The following MOCS1 variants were observed in gnomAD, a reference collection of about 807,000 sequenced individuals.
The protein encoded by MOCS1 is molybdenum cofactor biosynthesis protein 1.
MOCS1 carries 39 observed loss-of-function variants against 57.6 expected under a neutral mutation model. The observed-to-expected ratio is 0.68, with a 90% CI of 0.52 to 0.88. MOCS1 has a LOEUF of 0.88. Ranked by LOEUF, MOCS1 falls within the 40% of genes least tolerant of loss-of-function variation. The pLI, the probability that MOCS1 is intolerant of heterozygous loss-of-function variation, is 0.00. For synonymous variants in MOCS1, 334 were observed against 335.7 expected (o/e 1.00, Z 0.05); for missense variants, 795 against 831.1 (o/e 0.96, Z 0.53).
intron 1 of MOCS1, among the ~76,000 whole-genome samples, chr6:39,930,550 G>A (rs1768593515): frequency 6.6e-6 from 1 of 152,170 alleles, no homozygotes; most frequent in Non-Finnish European, 1.5e-5. Flanking sequence ...TCATTTCCCG[G>A]CTGGTCTCTA....
At position 39,934,410 on chromosome 6, in the gene MOCS1, G is replaced by A. The variant is rs1299943727; in HGVS notation, c.8C>T (p.Ala3Val). The A allele has an allele frequency of 6.4e-7, 1 of 1,566,880 alleles. No individual in the cohort carries two copies. Among genetic ancestry groups the A allele is most frequent in the Admixed American group, 1.8e-5 (1 of 54,764 alleles). ...CCGCAGCATCCGGGACAGTGGCCGCGCCGCCATGAAGCCTGATACGAGCGG... is the reference window on the plus strand; with the variant it reads ...CCGCAGCATCCGGGACAGTGGCCGCACCGCCATGAAGCCTGATACGAGCGG... MA[A>V]RPLSRMLRRL... is the part of the protein sequence containing the mutation. The change falls in exon 1 of 11, where the codon GCG becomes GTG. Residue 3 changes from alanine to valine, a missense_variant. Ala to Val is a moderately conservative substitution (Grantham distance 64). This residue lies in a region of MOCS1 where 416 missense variants were observed against 392.4 expected (regional missense o/e 1.06). Coordinates refer to ENST00000340692, the MANE Select transcript of MOCS1 (RefSeq NM_001358530.2).
Position 39,904,430 on chromosome 6 carries a change from G to A in MOCS1, c.*1927C>T, listed in dbSNP as rs913539192. On this transcript the variant is annotated 3_prime_UTR_variant, in exon 11 of 11. Coordinates refer to ENST00000340692, the MANE Select transcript of MOCS1 (RefSeq NM_001358530.2). ...GGGTGGCTGAGCTGGTCCTTAATAG[G>A]TTGTTTCTTGGTCTTGCTTTCTTCA... 26 of 454,848 alleles carry A rather than the reference G, an allele frequency of 5.7e-5. No individual in the cohort carries two copies. The highest frequency in any genetic ancestry group is 2.6e-4 in the Admixed American group (11 of 42,558). The allele number at this position is 454,848 out of a possible 1,614,324, so 28.2% of individuals were successfully genotyped here.
chr6:39,917,138 C>A (rs964015811), intron 3 of MOCS1, among the ~76,000 whole-genome samples: 23 of 152,144 alleles, frequency 1.5e-4, no homozygotes, highest in Non-Finnish European at 2.5e-4. Flanking sequence ...TAAAGAAATA[C>A]CTGAGACTGG....
At chr6:39,909,010 C>A in intron 10 of MOCS1, 45 bp downstream of exon 10, 1 of 1,583,182 alleles carries the variant, frequency 6.3e-7, no homozygotes, top group Non-Finnish European at 8.7e-7. Flanking sequence ...CCACGAGATC[C>A]CCAAATGACA....
intron 1 of MOCS1, among the ~76,000 whole-genome samples, chr6:39,928,313 C>T (rs544702722): frequency 3.4e-4 from 52 of 152,184 alleles, no homozygotes; most frequent in Middle Eastern, 3.4e-3. Context: ...TACAGGCACC[C>T]GCCACTGCAC....
chr6:39,932,682 A>G (rs533033912), intron 1 of MOCS1, among the ~76,000 whole-genome samples: 1 of 152,244 alleles, frequency 6.6e-6, no homozygotes, highest in Admixed American at 6.5e-5. Flanking sequence ...ATAGCTATCC[A>G]ACAAGTCCAG....
chr6:39,908,825 G>A (rs1767115627), intron 10 of MOCS1, among the ~76,000 whole-genome samples: 1 of 152,156 alleles, frequency 6.6e-6, no homozygotes, highest in Admixed American at 6.5e-5. Context: ...GATGTCTGGT[G>A]AGACAGAAGG....
rs780602047 is a variant in MOCS1 at position 39,905,448 on chromosome 6, T to TTGA, written c.*906_*908dup. ...TCTTGGGATAGGATTGATTGATTGA[T>TTGA]TGATAGGTGCAGCCTTCCCTGTGAA... On this transcript the variant is annotated 3_prime_UTR_variant, in exon 11 of 11. Transcript: ENST00000340692. The TTGA allele has an allele frequency of 6.4e-6, 3 of 470,942 alleles. No homozygotes were observed. Among genetic ancestry groups the TTGA allele is most frequent in the South Asian group, 1.5e-5 (1 of 64,576 alleles). 29.2% of individuals were successfully genotyped at this position (470,942 alleles called of 1,614,324 possible).
intron 3 of MOCS1, among the ~76,000 whole-genome samples, chr6:39,924,573 G>A (rs931057341): frequency 1.3e-5 from 2 of 152,326 alleles, no homozygotes; most frequent in South Asian, 4.1e-4. Flanking sequence ...AGTCCAGATA[G>A]TAAATATTTT....
intron 3 of MOCS1, among the ~76,000 whole-genome samples, chr6:39,924,523 T>C (rs1383947229): frequency 6.6e-6 from 1 of 152,164 alleles, no homozygotes; most frequent in Non-Finnish European, 1.5e-5. Context: ...CAAAGTAGGG[T>C]AAGTGAGTAG....
At chr6:39,926,211 C>A (rs1768288754) in intron 2 of MOCS1, among the ~76,000 whole-genome samples, 1 of 152,180 alleles carries the variant, frequency 6.6e-6, no homozygotes, top group South Asian at 2.1e-4. Flanking sequence ...TGTCACCCAT[C>A]CTCCTGCATT....
In MOCS1 at chr6:39,916,125, T is replaced by C. The variant is rs759953443; in HGVS notation, c.526A>G (p.Asn176Asp). 3.1e-6 allele frequency: 5 copies of C among 1,613,910 alleles called. No individual in the cohort carries two copies. Among genetic ancestry groups the C allele is most frequent in the Non-Finnish European group, 3.4e-6 (4 of 1,179,958 alleles). The change falls in exon 4 of 11, where the codon AAC becomes GAC. Residue 176 changes from asparagine (N) to aspartate (D), a missense_variant. Asn to Asp is a conservative substitution (Grantham distance 23, BLOSUM62 1). Around this residue, in one of 3 missense-constraint regions of MOCS1, gnomAD observed 416 missense variants for 392.4 expected, o/e 1.06. Coordinates refer to ENST00000340692, the MANE Select transcript of MOCS1 (RefSeq NM_001358530.2). ...QLQKAGLSAINISLDTLVPAK... is the reference protein window; with the variant it reads ...QLQKAGLSAIDISLDTLVPAK... ...GGCACCAGGGTGTCCAGGCTGATGT[T>C]GATGGCACTGAGACCAGCCTTCTGA...
chr6:39,906,479 CAG>C lies in MOCS1; in HGVS notation c.1787_1788del (p.Ser596CysfsTer10). The C allele has an allele frequency of 6.2e-7, 1 of 1,614,152 alleles. No homozygotes were observed. The highest frequency in any genetic ancestry group is 8.5e-7 in the Non-Finnish European group (1 of 1,180,018). ...PTGVEMEALTSAAVAALTLYD... is the reference protein window; with the variant it reads ...PTGVEMEALTXAAVAALTLYD... ...TACAGGGTGAGGGCGGCCACTGCAG[CAG>C]AGGTCAGGGCCTCCATCTCCACCCC... On this transcript the variant is annotated frameshift_variant, in exon 11 of 11. Transcript: ENST00000340692. LOFTEE classifies it high-confidence loss of function.
intron 8 of MOCS1, 25 bp from the exon 9 acceptor site, chr6:39,909,980 C>A (rs763368603): frequency 1.2e-6 from 2 of 1,611,208 alleles, no homozygotes; most frequent in Non-Finnish European, 1.7e-6. Context: ...GGACAATATG[C>A]CTTCCTTACC....
intron 7 of MOCS1, 50 bp from the exon 8 acceptor site, chr6:39,912,424 T>A: frequency 6.2e-6 from 8 of 1,296,284 alleles, no homozygotes; most frequent in Non-Finnish European, 7.9e-6. Flanking sequence ...GATGGGCTAC[T>A]GAGCCCAGTT....
At chr6:39,917,699 G>C (rs1289356637) in intron 3 of MOCS1, among the ~76,000 whole-genome samples, 3 of 152,136 alleles carry the variant, frequency 2.0e-5, no homozygotes, top group Non-Finnish European at 2.9e-5. Flanking sequence ...GGAGGAGAAG[G>C]AACAGTGATA....
chr6:39,925,764 G>A lies in MOCS1; in HGVS notation c.332C>T (p.Ala111Val). The A allele has an allele frequency of 6.2e-7, 1 of 1,612,864 alleles. No homozygotes were observed. The highest frequency in any genetic ancestry group is 8.5e-7 in the Non-Finnish European group (1 of 1,179,996). ...GATGCCTTCCTTCACAAAGAGCCGG[G>A]CGAGGGTCAGGATCTCCTCTGTGGT... ...LLTTEEILTL[A>V]RLFVKEGIDK... Residue 111 changes from alanine to valine, a missense_variant, in exon 3 of 11, where the codon GCC (alanine) becomes GTC (valine). By Grantham distance (64) the Ala-to-Val change is moderately conservative. Around this residue, in one of 3 missense-constraint regions of MOCS1, gnomAD observed 416 missense variants for 392.4 expected, o/e 1.06. Transcript: ENST00000340692.
rs1582803667 is a variant in MOCS1 at position 39,909,109 on chromosome 6, T to G, written c.1103-7A>C. ...TGGGAAATACTGAACATGCCTGGGG[T>G]GAGGGAAAGATGGGGAGGGAGAGGA... is the stretch of plus-strand genomic sequence containing the variant. On this transcript the variant is annotated splice_polypyrimidine_tract_variant and splice_region_variant and intron_variant, in intron 9 of 10. Transcript: ENST00000340692. The G allele has an allele frequency of 3.9e-6, 6 of 1,544,586 alleles. No homozygotes were observed. The highest frequency in any genetic ancestry group is 1.2e-5 in the South Asian group (1 of 84,986).
chr6:39,926,161 T>C (rs1768283836), intron 2 of MOCS1, among the ~76,000 whole-genome samples: 1 of 152,200 alleles, frequency 6.6e-6, no homozygotes, highest in Non-Finnish European at 1.5e-5. Context: ...CCTGACTTCC[T>C]GGGCTGAGGG....
Sources: allele counts gnomAD v4.1 joint callset (sites outside exome capture counted in the v4.1 genomes callset), GRCh38; gene constraint gnomAD v4.1.1; regional missense constraint gnomAD v4.1.1; transcripts MANE v1.5; gene names NCBI Gene and HGNC (gene_info 2026-07-23, HGNC 2026-07-21).